Variants in LRRC4C observed in about 807,000 individuals in gnomAD.
The protein encoded by LRRC4C is leucine-rich repeat-containing protein 4C.
A neutral mutation model predicts 33.6 loss-of-function variants in LRRC4C; 5 were observed. That is an observed-to-expected ratio of 0.15 (90% CI 0.08 to 0.31). The LOEUF is 0.31. LRRC4C is among the 10% of genes least tolerant of loss of function. LRRC4C has a pLI of 1.00. For missense variants in LRRC4C, 560 were observed against 796.7 expected (o/e 0.70, Z 3.58); for synonymous variants, 329 against 302.0 (o/e 1.09, Z -0.93).
intron 3 of LRRC4C, among the ~76,000 whole-genome samples, chr11:40,527,886 T>C (rs2135283904): frequency 6.6e-6 from 1 of 152,122 alleles, no homozygotes; most frequent in African/African-American, 2.4e-5. Flanking sequence ...GTAGCTGGGA[T>C]TACAGGCATG....
intron 2 of LRRC4C, among the ~76,000 whole-genome samples, chr11:40,906,634 T>A (rs1956428667): frequency 6.6e-6 from 1 of 152,202 alleles, no homozygotes; most frequent in Non-Finnish European, 1.5e-5. Context: ...TATTTTGATA[T>A]TCCCTTTATT....
At chr11:40,507,562 C>T (rs572869315) in intron 3 of LRRC4C, among the ~76,000 whole-genome samples, 8 of 152,054 alleles carry the variant, frequency 5.3e-5, no homozygotes, top group East Asian at 1.9e-4. Context: ...GGTATGGTAA[C>T]GCCTAGCATT....
At chr11:40,820,947 G>A (rs1644553657) in intron 2 of LRRC4C, among the ~76,000 whole-genome samples, 1 of 151,488 alleles carries the variant, frequency 6.6e-6, no homozygotes, top group South Asian at 2.1e-4. Context: ...AAACAAAGAA[G>A]TAAAATAACT....
rs78985007 is a variant in LRRC4C, at chr11:40,791,145, G to A, written c.-407+142490C>T. Among the ~76,000 whole-genome samples the A allele has an allele frequency of 7.1e-3, 1,074 of 152,226 alleles. 24 individuals carry two copies. The highest frequency in any genetic ancestry group is 0.045 in the East Asian group (233 of 5,164). On this transcript the variant is annotated intron_variant, in intron 2 of 6. Transcript: ENST00000528697. ...CTCTTCCAGAGGTGCTCATGAATTT[G>A]CTCATTCCTTGCTCATGAATGTCCT...
At chr11:41,260,634 T>G (rs985097375) in intron 1 of LRRC4C, among the ~76,000 whole-genome samples, 9 of 151,702 alleles carry the variant, frequency 5.9e-5, no homozygotes, top group African/African-American at 2.2e-4. Flanking sequence ...TATATATAAA[T>G]AAAATAGTTT....
chr11:40,471,141 T>C (rs1418822140), intron 3 of LRRC4C, among the ~76,000 whole-genome samples: 1 of 152,104 alleles, frequency 6.6e-6, no homozygotes, highest in East Asian at 1.9e-4. Flanking sequence ...GAGAGAAAGG[T>C]CGGGTTACCT....
intron 1 of LRRC4C, among the ~76,000 whole-genome samples, chr11:41,156,737 T>C (rs1335503569): frequency 6.6e-6 from 1 of 151,900 alleles, no homozygotes; most frequent in Non-Finnish European, 1.5e-5. Flanking sequence ...AGTTGCAGTA[T>C]TAAATATGAT....
chr11:41,452,086 G>A (rs1956044862), intron 1 of LRRC4C, among the ~76,000 whole-genome samples: 1 of 151,914 alleles, frequency 6.6e-6, no homozygotes, highest in Non-Finnish European at 1.5e-5. Context: ...TCAAACATTT[G>A]TCTCAACTTA....
At chr11:40,416,205 T>C (rs1305525461) in intron 3 of LRRC4C, among the ~76,000 whole-genome samples, 1 of 152,186 alleles carries the variant, frequency 6.6e-6, no homozygotes, top group Non-Finnish European at 1.5e-5. Flanking sequence ...TATTTTCATC[T>C]TGCACTGGGC....
chr11:40,517,044 T>G (rs1955588378), intron 3 of LRRC4C, among the ~76,000 whole-genome samples: 2 of 152,122 alleles, frequency 1.3e-5, no homozygotes, highest in South Asian at 4.1e-4. Context: ...CAGTTCCTAT[T>G]CATACTGGTT....
intron 2 of LRRC4C, among the ~76,000 whole-genome samples, chr11:40,931,377 G>A (rs1207844623): frequency 2.0e-5 from 3 of 152,054 alleles, no homozygotes; most frequent in African/African-American, 7.2e-5. Context: ...CGTTTATATA[G>A]TTACAACCAA....
intron 2 of LRRC4C, among the ~76,000 whole-genome samples, chr11:40,669,437 C>T (rs1044296858): frequency 2.6e-5 from 4 of 152,210 alleles, no homozygotes; most frequent in Admixed American, 6.5e-5. Context: ...TTCGGGAACC[C>T]ATAGACAGCT....
chr11:40,548,821 T>C (rs1957026380), intron 3 of LRRC4C, among the ~76,000 whole-genome samples: 1 of 152,078 alleles, frequency 6.6e-6, no homozygotes, highest in African/African-American at 2.4e-5. Context: ...AAAACGTGAG[T>C]AGGCTGCATG....
At chr11:40,419,747 C>T (rs1950455573) in intron 3 of LRRC4C, among the ~76,000 whole-genome samples, 1 of 152,160 alleles carries the variant, frequency 6.6e-6, no homozygotes, top group Non-Finnish European at 1.5e-5. Context: ...TGATAGGCTC[C>T]ACCAAAAGGC....
At chr11:40,601,337 T>A (rs140300609) in intron 3 of LRRC4C, among the ~76,000 whole-genome samples, 70 of 152,346 alleles carry the variant, frequency 4.6e-4, no homozygotes, top group African/African-American at 1.6e-3. Flanking sequence ...ATCTCCTTCT[T>A]CATGGCCATG....
Position 41,184,953 on chromosome 11 carries a change from A to G in LRRC4C, c.-495-251230T>C, listed in dbSNP as rs768005454. On this transcript the variant is annotated intron_variant, in intron 1 of 6. Coordinates refer to ENST00000528697, the MANE Select transcript of LRRC4C (RefSeq NM_001258419.2). ...CAGGCAAATAGAGAAAGAGAGAAAG[A>G]GCTTGTGCAGGGAAACTACCATTTT... Among the ~76,000 whole-genome samples, 38 of 152,086 alleles carry G rather than the reference A, an allele frequency of 2.5e-4. 1 individual carries two copies. Among genetic ancestry groups the G allele is most frequent in the Admixed American group, 6.6e-4 (10 of 15,260 alleles).
intron 2 of LRRC4C, among the ~76,000 whole-genome samples, chr11:40,920,728 T>C (rs1957137399): frequency 6.6e-6 from 1 of 152,100 alleles, no homozygotes; most frequent in Non-Finnish European, 1.5e-5. Flanking sequence ...TTGTGGTACG[T>C]AGAATAACGT....
At chr11:41,444,743 A>G (rs1321893758) in intron 1 of LRRC4C, among the ~76,000 whole-genome samples, 1 of 152,184 alleles carries the variant, frequency 6.6e-6, no homozygotes, top group African/African-American at 2.4e-5. Flanking sequence ...ATGATTAAGT[A>G]TAGAAAAGTG....
intron 1 of LRRC4C, among the ~76,000 whole-genome samples, chr11:41,229,917 G>A (rs1379603386): frequency 6.6e-6 from 1 of 151,984 alleles, no homozygotes; most frequent in South Asian, 2.1e-4. Context: ...CCATGTACAA[G>A]CATTTCTAAA....
Sources: gnomAD v4.1 joint callset for allele counts (sites outside exome capture counted in the v4.1 genomes callset) on GRCh38, gnomAD v4.1.1 for gene constraint, MANE v1.5 for transcripts, NCBI Gene and HGNC (gene_info 2026-07-23, HGNC 2026-07-21) for gene names.